The following GREB1 variants were observed in gnomAD, a reference collection of about 807,000 sequenced individuals.
The protein encoded by GREB1 is growth regulating estrogen receptor binding 1, also known as protein GREB1.
GREB1 carries 106 observed loss-of-function variants against 200.7 expected under a neutral mutation model. That is an observed-to-expected ratio of 0.53 (90% CI 0.45 to 0.62). The LOEUF (loss-of-function observed/expected upper bound fraction) is 0.62, where lower values mean the gene tolerates loss of function less well. Among genes scored for constraint, GREB1 ranks in the 20% least tolerant of loss-of-function variants. The pLI is 0.00. For synonymous variants in GREB1, 1,132 were observed against 1,092.4 expected (o/e 1.04, Z -0.72); for missense variants, 2,243 against 2,556.8 (o/e 0.88, Z 2.65).
rs913328580 is a variant in GREB1 at position 11,585,670 on chromosome 2, G to A, written c.1016-92G>A. 6 of 1,429,196 alleles carry A rather than the reference G, an allele frequency of 4.2e-6. No homozygotes were observed. In the African/African-American group the frequency reaches 7.1e-5, roughly 17 times the overall value. 88.5% of individuals were successfully genotyped at this position (1,429,196 alleles called of 1,614,324 possible). A position where few individuals can be genotyped will look rare whatever the true frequency, so the allele number is the denominator to read the frequency against. ...CCTGTAATCAGGGACGTTGGTCAGA[G>A]GGTAGCAGATTTGCTGGCTGGCCTG... On this transcript the variant is annotated intron_variant, in intron 8 of 32. Coordinates refer to ENST00000381486, the MANE Select transcript of GREB1 (RefSeq NM_014668.4).
At chr2:11,588,079 G>A in intron 9 of GREB1, 1 of 496,254 alleles carries the variant, frequency 2.0e-6, no homozygotes, top group African/African-American at 2.1e-5. Context: ...TACAAAAATT[G>A]GCCGGGTGTG....
At chr2:11,560,205 C>G (rs527517789) in intron 2 of GREB1, among the ~76,000 whole-genome samples, 2 of 152,298 alleles carry the variant, frequency 1.3e-5, no homozygotes, top group Admixed American at 6.5e-5. Flanking sequence ...AGTAATTTTC[C>G]TGCGTCCACA....
intron 1 of GREB1, among the ~76,000 whole-genome samples, chr2:11,496,060 T>A (rs1171967771): frequency 6.6e-6 from 1 of 152,112 alleles, no homozygotes; most frequent in African/African-American, 2.4e-5. Context: ...TGAAGCTGGC[T>A]CTCCTTATCC....
intron 21 of GREB1, among the ~76,000 whole-genome samples, chr2:11,617,475 T>G (rs998344118): frequency 1.3e-5 from 2 of 152,264 alleles, no homozygotes; most frequent in Non-Finnish European, 1.5e-5. Context: ...AGACGTGTTA[T>G]TTTGCAGTAG....
chr2:11,625,192 A>G lies in GREB1; in HGVS notation c.4186A>G (p.Ser1396Gly). 6.2e-7 allele frequency: 1 copy of G among 1,613,974 alleles called. No individual in the cohort carries two copies. The highest frequency in any genetic ancestry group is 1.7e-4 in the Middle Eastern group (1 of 6,060). Residue 1396 changes from serine to glycine, a missense_variant, in exon 24 of 33, where the codon AGC becomes GGC. By Grantham distance (56) the Ser-to-Gly change is moderately conservative. Around this residue, in one of 3 missense-constraint regions of GREB1, gnomAD observed 587 missense variants for 553.1 expected, o/e 1.06. Transcript: ENST00000381486. ...ATCTGACTGGCATTATCTCCAGCTTAGCGACCCCTGGCCAGACCTGGAGCT... is the reference window on the plus strand; with the variant it reads ...ATCTGACTGGCATTATCTCCAGCTTGGCGACCCCTGGCCAGACCTGGAGCT... The part of the protein sequence containing the change: ...EESDWHYLQL[S>G]DPWPDLELFK...
chr2:11,591,658 T>C lies in GREB1; in HGVS notation c.1346-1118T>C, dbSNP rs139251164. ...GCTCTTGGGAAGCAATCTGATGATA[T>C]GTAGTAGCTGGTTCTGTAAATCCAC... On this transcript the variant is annotated intron_variant, in intron 10 of 32. Coordinates refer to ENST00000381486, the MANE Select transcript of GREB1 (RefSeq NM_014668.4). The C allele has an allele frequency of 2.1e-3, 1,137 of 541,240 alleles. 13 individuals carry two copies. The highest frequency in any genetic ancestry group is 0.02 in the African/African-American group (1,023 of 52,222). The allele number at this position is 541,240 out of a possible 1,614,324, so 33.5% of individuals were successfully genotyped here. A position where few individuals can be genotyped will look rare whatever the true frequency, so the allele number is the denominator to read the frequency against.
At position 11,534,608 on chromosome 2, in the gene GREB1, C is replaced by T. The variant is rs184413981; in HGVS notation, c.-162+354C>T. ...GGGCCCCTCAGCAGTAAAGCCAGAT[C>T]AACAGGCTCACCCGTGAGAGCTCCT... is the stretch of plus-strand genomic sequence containing the variant. On this transcript the variant is annotated intron_variant, in intron 1 of 32. Coordinates refer to ENST00000381486, the MANE Select transcript of GREB1 (RefSeq NM_014668.4). Among the ~76,000 whole-genome samples the T allele has an allele frequency of 6.6e-5, 10 of 152,296 alleles. No individual in the cohort carries two copies. In the East Asian group the frequency reaches 1.5e-3, roughly 24 times the overall value.
At chr2:11,532,557 C>A (rs922055223), upstream of GREB1, among the ~76,000 whole-genome samples, 1 of 152,162 alleles carries the variant, frequency 6.6e-6, no homozygotes, top group African/African-American at 2.4e-5. Flanking sequence ...TAGAAGCAAC[C>A]AAAATACTTC....
At chr2:11,631,778 A>G (rs1684894781) in intron 26 of GREB1, 131 bp from the exon 27 acceptor site, 1 of 718,364 alleles carries the variant, frequency 1.4e-6, no homozygotes, top group Non-Finnish European at 2.4e-6. Flanking sequence ...AGCAAGTCAC[A>G]AGGCTGAAAA....
chr2:11,566,490 G>A lies in GREB1; in HGVS notation c.288G>A (p.Gln96=). The change falls in exon 4 of 33, where the codon CAG becomes CAA. Residue 96 remains glutamine, a synonymous_variant. Transcript: ENST00000381486. The part of the protein sequence containing the change: ...EGCCTTDGFC[Q]AGKDLRLVSI... ...GTCCACCCCTCCTAGGGTTTTGCCA[G>A]GCCGGGAAGGACCTGCGCCTTGTCT... The A allele has an allele frequency of 1.2e-6, 2 of 1,609,180 alleles. No individual in the cohort carries two copies. Among genetic ancestry groups the A allele is most frequent in the Non-Finnish European group, 1.7e-6 (2 of 1,177,212 alleles).
rs750967530 is a variant in GREB1, at chr2:11,610,767, G to A, written c.2746G>A (p.Gly916Ser). 16 of 1,613,530 alleles carry A rather than the reference G, an allele frequency of 9.9e-6. No individual in the cohort carries two copies. The highest frequency in any genetic ancestry group is 3.3e-5 in the Admixed American group (2 of 60,030). ...HYAAALMAVS[G>S]LPQMKNYTSV... ...CGCGGCCGCCCTGATGGCCGTAAGC[G>A]GCCTCCCGCAGATGAAGAACTACAC... Residue 916 changes from glycine (G) to serine (S), a missense_variant, in exon 18 of 33, where the codon GGC (glycine) becomes AGC (serine). By Grantham distance (56) the Gly-to-Ser change is moderately conservative. Around this residue, in one of 3 missense-constraint regions of GREB1, gnomAD observed 1,178 missense variants for 1,387.4 expected, o/e 0.85. Transcript: ENST00000381486.
intron 1 of GREB1, among the ~76,000 whole-genome samples, chr2:11,515,104 A>G (rs371971826): frequency 1.1e-5 from 1 of 91,338 alleles, no homozygotes; most frequent in Non-Finnish European, 2.3e-5. Context: ...CCATCTATCC[A>G]TCCTTCCATC....
At chr2:11,521,884 A>G (rs549080608) in intron 1 of GREB1, among the ~76,000 whole-genome samples, 1 of 152,310 alleles carries the variant, frequency 6.6e-6, no homozygotes, top group African/African-American at 2.4e-5. Flanking sequence ...TCATCTTTGT[A>G]CAATGTACTC....
At chr2:11,569,609 G>A (rs999334894) in intron 4 of GREB1, among the ~76,000 whole-genome samples, 13 of 152,318 alleles carry the variant, frequency 8.5e-5, no homozygotes, top group Middle Eastern at 3.4e-3. Context: ...AGCATTTATC[G>A]TGTGCCAGAA....
intron 1 of GREB1, among the ~76,000 whole-genome samples, chr2:11,556,189 A>T (rs1676413812): frequency 6.6e-6 from 1 of 152,136 alleles, no homozygotes; most frequent in Admixed American, 6.5e-5. Context: ...CAAATCTGGG[A>T]CTGGTTTTGG....
chr2:11,630,033 C>G lies in GREB1; in HGVS notation c.4535C>G (p.Ser1512Cys). 1 of 1,614,166 alleles carries G rather than the reference C, an allele frequency of 6.2e-7. No individual in the cohort carries two copies. Among genetic ancestry groups the G allele is most frequent in the Non-Finnish European group, 8.5e-7 (1 of 1,180,004 alleles). Residue 1512 changes from serine to cysteine, a missense_variant, in exon 26 of 33, where the codon TCC (serine) becomes TGC (cysteine). Coordinates refer to ENST00000381486, the MANE Select transcript of GREB1 (RefSeq NM_014668.4). ...CAGCTGCACTTCATCATCCCCAAGT[C>G]CAAGGAGCACCACTTTGTCTTCAGC... is the stretch of plus-strand genomic sequence containing the variant. ...EIQLHFIIPK[S>C]KEHHFVFSQP...
intron 5 of GREB1, among the ~76,000 whole-genome samples, chr2:11,577,496 GGCT>G (rs1259470905): frequency 6.6e-6 from 1 of 152,250 alleles, no homozygotes; most frequent in African/African-American, 2.4e-5. Flanking sequence ...GTTGGGAGCA[GGCT>G]GCCCTCCCAC....
At chr2:11,566,000 G>C (rs947007857) in intron 3 of GREB1, among the ~76,000 whole-genome samples, 1 of 150,192 alleles carries the variant, frequency 6.7e-6, no homozygotes, top group Admixed American at 6.6e-5. Context: ...CGTGTGATCT[G>C]TGTCGTGGAT....
chr2:11,592,895 G>A lies in GREB1; in HGVS notation c.1465G>A (p.Ala489Thr), dbSNP rs772237375. The A allele has an allele frequency of 1.9e-6, 3 of 1,594,424 alleles. No homozygotes were observed. The highest frequency in any genetic ancestry group is 2.6e-6 in the Non-Finnish European group (3 of 1,171,180). Residue 489 changes from alanine to threonine, a missense_variant, in exon 11 of 33, where the codon GCG becomes ACG. Ala to Thr is a moderately conservative substitution (Grantham distance 58). Around this residue, in one of 3 missense-constraint regions of GREB1, gnomAD observed 1,178 missense variants for 1,387.4 expected, o/e 0.85. Coordinates refer to ENST00000381486, the MANE Select transcript of GREB1 (RefSeq NM_014668.4). ...QQAPPQPFPP[A>T]PSAAAPVTSA... ...GGCGCCGCCGCAGCCCTTCCCGCCC[G>A]CGCCCAGCGCCGCGGCACCCGTGAC...
Sources: gnomAD v4.1 joint callset for allele counts (sites outside exome capture counted in the v4.1 genomes callset) on GRCh38, gnomAD v4.1.1 for gene constraint, gnomAD v4.1.1 regional missense constraint, MANE v1.5 for transcripts, NCBI Gene and HGNC (gene_info 2026-07-23, HGNC 2026-07-21) for gene names.